Variants in SLCO3A1 observed in about 807,000 individuals in gnomAD.
The protein encoded by SLCO3A1 is solute carrier organic anion transporter family member 3A1.
Under a neutral mutation model 63.1 loss-of-function variants are expected in SLCO3A1, and 27 were observed. The ratio of observed to expected loss-of-function variants is 0.43; its 90% CI spans 0.32 to 0.59. SLCO3A1 has a LOEUF of 0.59. Ranked by LOEUF, SLCO3A1 falls within the 20% of genes least tolerant of loss-of-function variation. The pLI is 0.09. For missense variants in SLCO3A1, 773 were observed against 945.8 expected (o/e 0.82, Z 2.40); for synonymous variants, 473 against 409.9 (o/e 1.15, Z -1.86).
At chr15:91,864,840 T>C (rs913552809) in intron 1 of SLCO3A1, among the ~76,000 whole-genome samples, 1 of 152,198 alleles carries the variant, frequency 6.6e-6, no homozygotes, top group Non-Finnish European at 1.5e-5. Flanking sequence ...CAGGTGTTCA[T>C]TTCCGCTCTG....
At chr15:91,955,425 C>T (rs529013234) in intron 2 of SLCO3A1, among the ~76,000 whole-genome samples, 6 of 152,240 alleles carry the variant, frequency 3.9e-5, no homozygotes, top group Admixed American at 2.0e-4. Flanking sequence ...CTCCACCTCC[C>T]GGGTTCAACC....
intron 2 of SLCO3A1, among the ~76,000 whole-genome samples, chr15:91,917,387 T>C (rs979768562): frequency 6.6e-6 from 1 of 152,196 alleles, no homozygotes; most frequent in Admixed American, 6.5e-5. Flanking sequence ...GAATTTGAAC[T>C]GGATTTGACA....
intron 1 of SLCO3A1, among the ~76,000 whole-genome samples, chr15:91,861,001 A>G (rs1366562311): frequency 1.3e-5 from 2 of 152,158 alleles, no homozygotes; most frequent in Admixed American, 6.5e-5. Context: ...GTAGTCTTAG[A>G]AGCAGCCTTC....
At chr15:91,884,551 C>A (rs982288326) in intron 1 of SLCO3A1, among the ~76,000 whole-genome samples, 2 of 148,758 alleles carry the variant, frequency 1.3e-5, no homozygotes, top group Non-Finnish European at 3.0e-5. Flanking sequence ...AGCATTCTGA[C>A]TTCAGAGCCT....
intron 2 of SLCO3A1, among the ~76,000 whole-genome samples, chr15:92,053,742 T>C (rs1029394082): frequency 1.3e-5 from 2 of 151,460 alleles, no homozygotes; most frequent in African/African-American, 4.9e-5. Context: ...GTTATGGGTT[T>C]GGAAGAGGAA....
chr15:91,858,998 A>G (rs1226925833), intron 1 of SLCO3A1, among the ~76,000 whole-genome samples: 15 of 152,222 alleles, frequency 9.9e-5, no homozygotes, highest in East Asian at 3.8e-4. Context: ...ATTTCACTAC[A>G]TGCATCATTT....
intron 2 of SLCO3A1, among the ~76,000 whole-genome samples, chr15:92,049,236 C>G (rs1477087888): frequency 6.6e-6 from 1 of 152,184 alleles, no homozygotes; most frequent in African/African-American, 2.4e-5. Flanking sequence ...ACCCTCCCTG[C>G]TTTAGCTTCG....
chr15:91,959,219 G>A (rs1487408105), intron 2 of SLCO3A1, among the ~76,000 whole-genome samples: 1 of 152,120 alleles, frequency 6.6e-6, no homozygotes, highest in Non-Finnish European at 1.5e-5. Flanking sequence ...AGGGAGCTAA[G>A]CTATGAGGAC....
intron 2 of SLCO3A1, among the ~76,000 whole-genome samples, chr15:92,053,750 G>A (rs1342431989): frequency 6.6e-6 from 1 of 150,972 alleles, no homozygotes; most frequent in Non-Finnish European, 1.5e-5. Context: ...TTTGGAAGAG[G>A]AAGGACACAG....
At chr15:92,094,170 G>A (rs143776932) in intron 2 of SLCO3A1, among the ~76,000 whole-genome samples, 5 of 152,220 alleles carry the variant, frequency 3.3e-5, no homozygotes, top group Non-Finnish European at 7.4e-5. Context: ...GTATTGTATC[G>A]ATCAGATACT....
intron 4 of SLCO3A1, among the ~76,000 whole-genome samples, chr15:92,115,429 A>T (rs761324405): frequency 2.9e-4 from 44 of 152,258 alleles, no homozygotes; most frequent in Non-Finnish European, 6.2e-4. Flanking sequence ...GAGGAACACT[A>T]CACATGACAA....
At chr15:91,990,161 A>G (rs560876371) in intron 2 of SLCO3A1, among the ~76,000 whole-genome samples, 3 of 152,208 alleles carry the variant, frequency 2.0e-5, no homozygotes, top group African/African-American at 7.2e-5. Context: ...GGAGGCAGTC[A>G]CTGAATAGTG....
intron 2 of SLCO3A1, among the ~76,000 whole-genome samples, chr15:91,984,958 T>C (rs1597188432): frequency 6.6e-6 from 1 of 152,314 alleles, no homozygotes; most frequent in Non-Finnish European, 1.5e-5. Flanking sequence ...TGAAATTTTT[T>C]CTTAAGTAGA....
rs2046677268 is a variant in SLCO3A1 at position 92,033,165 on chromosome 15, G to A, written c.647-61716G>A. On this transcript the variant is annotated intron_variant, in intron 2 of 9. Coordinates refer to ENST00000318445, the MANE Select transcript of SLCO3A1 (RefSeq NM_013272.4). This position sits in a 1 kb window ranked among gnomAD's most constrained non-coding sequence, Gnocchi z 4.5. ...AAAAACAAAAGAACTCCATGGATGG[G>A]GCATTGTTTTTCCATTCTGGGATGA... Among the ~76,000 whole-genome samples, 1 of 152,140 alleles carries A rather than the reference G, an allele frequency of 6.6e-6. No individual in the cohort carries two copies. Among genetic ancestry groups the A allele is most frequent in the Non-Finnish European group, 1.5e-5 (1 of 68,020 alleles).
At position 91,916,965 on chromosome 15, in the gene SLCO3A1, G is replaced by T. The variant is rs1898683324; in HGVS notation, c.646+507G>T. Among the ~76,000 whole-genome samples, 1 of 152,190 alleles carries T rather than the reference G, an allele frequency of 6.6e-6. No homozygotes were observed. Among genetic ancestry groups the T allele is most frequent in the African/African-American group, 2.4e-5 (1 of 41,448 alleles). On this transcript the variant is annotated intron_variant, in intron 2 of 9. Transcript: ENST00000318445. This position sits in a 1 kb window ranked among gnomAD's most constrained non-coding sequence, Gnocchi z 6.2. ...TTTTTCAATAATGGAAGTATGCATG[G>T]GAATTGGGTATGTAGAGAGAAATAA...
intron 2 of SLCO3A1, among the ~76,000 whole-genome samples, chr15:91,943,985 C>T (rs913002682): frequency 8.5e-5 from 13 of 152,300 alleles, no homozygotes; most frequent in Admixed American, 5.2e-4. Context: ...GTCAATAGAC[C>T]TCCATTAGCT....
At chr15:92,000,560 A>G (rs999143491) in intron 2 of SLCO3A1, among the ~76,000 whole-genome samples, 2 of 152,210 alleles carry the variant, frequency 1.3e-5, no homozygotes, top group African/African-American at 4.8e-5. Context: ...AATCAAAATA[A>G]TAAGAGACCT....
chr15:92,061,740 C>T (rs984005930), intron 2 of SLCO3A1, among the ~76,000 whole-genome samples: 4 of 152,322 alleles, frequency 2.6e-5, no homozygotes, highest in African/African-American at 9.6e-5. Flanking sequence ...GCTAGCAAAA[C>T]AGGCCAGAAG....
intron 2 of SLCO3A1, among the ~76,000 whole-genome samples, chr15:92,028,300 C>A (rs1050610431): frequency 2.6e-5 from 4 of 152,154 alleles, no homozygotes; most frequent in African/African-American, 9.7e-5. Flanking sequence ...CTCCAGGTTC[C>A]CATTAGCATC....
Sources: allele counts gnomAD v4.1 joint callset (sites outside exome capture counted in the v4.1 genomes callset), GRCh38; gene constraint gnomAD v4.1.1; non-coding constraint Gnocchi (gnomAD v3.1); transcripts MANE v1.5; gene names NCBI Gene and HGNC (gene_info 2026-07-23, HGNC 2026-07-21).